The following CAMTA1 variants were observed in gnomAD, a reference collection of about 807,000 sequenced individuals.
CAMTA1 encodes the protein calmodulin-binding transcription activator 1.
In CAMTA1, 27 loss-of-function variants were observed where a neutral mutation model predicts 170.9. The observed-to-expected ratio is 0.16, with a 90% CI of 0.12 to 0.22. The LOEUF (loss-of-function observed/expected upper bound fraction) is 0.22. Ranked by LOEUF, CAMTA1 falls within the 10% of genes least tolerant of loss-of-function variation. CAMTA1 has a pLI of 1.00. For synonymous variants in CAMTA1, 833 were observed against 891.5 expected (o/e 0.93, Z 1.17); for missense variants, 1,619 against 2,217.2 (o/e 0.73, Z 5.42).
intron 6 of CAMTA1, among the ~76,000 whole-genome samples, chr1:7,513,641 G>A (rs1000766758): frequency 6.6e-6 from 1 of 152,150 alleles, no homozygotes; most frequent in Non-Finnish European, 1.5e-5. Flanking sequence ...ACCGGTTACA[G>A]GCTGGGCGTG....
rs1240642079 is a variant in CAMTA1 at position 7,738,334 on chromosome 1, G to T, written c.4034G>T (p.Gly1345Val). ...GGAAATCCGAAGGGGACCAGTGTAG[G>T]AAAGGAGGCAGCACCTTCACAGGTG... ...VTGNPKGTSV[G>V]KEAAPSQVRP... The change falls in exon 16 of 23, where the codon GGA (glycine) becomes GTA (valine). Residue 1345 changes from glycine to valine, a missense_variant. Gly to Val is a moderately radical substitution (Grantham distance 109). Around this residue, in one of 8 missense-constraint regions of CAMTA1, gnomAD observed 370 missense variants for 429.4 expected, o/e 0.86. Coordinates refer to ENST00000303635, the MANE Select transcript of CAMTA1 (RefSeq NM_015215.4). The surrounding 1 kb of genome is among the most constrained non-coding windows in gnomAD (Gnocchi z 4.9). 1 of 1,614,088 alleles carries T rather than the reference G, an allele frequency of 6.2e-7. No individual in the cohort carries two copies. The highest frequency in any genetic ancestry group is 1.1e-5 in the South Asian group (1 of 91,092).
chr1:7,252,760 G>A (rs1218266468), intron 5 of CAMTA1, among the ~76,000 whole-genome samples: 2 of 152,172 alleles, frequency 1.3e-5, no homozygotes, highest in Non-Finnish European at 2.9e-5. Flanking sequence ...TTCTACCACC[G>A]GGGCTGTTTT....
intron 3 of CAMTA1, among the ~76,000 whole-genome samples, chr1:6,941,577 C>T (rs1211958323): frequency 6.6e-6 from 1 of 152,170 alleles, no homozygotes; most frequent in Non-Finnish European, 1.5e-5. Flanking sequence ...TCCAGTCAGC[C>T]CAGTGTTAAT....
chr1:7,183,522 C>A (rs1205707555), intron 4 of CAMTA1, among the ~76,000 whole-genome samples: 1 of 152,224 alleles, frequency 6.6e-6, no homozygotes, highest in Non-Finnish European at 1.5e-5. Context: ...TTATCCACTG[C>A]AGCATTACTT....
chr1:6,953,558 G>A (rs915728814), intron 3 of CAMTA1, among the ~76,000 whole-genome samples: 3 of 152,202 alleles, frequency 2.0e-5, no homozygotes, highest in East Asian at 3.8e-4. Context: ...CCCAGGCCCC[G>A]CAGGGAGCCT....
At chr1:7,012,505 G>C (rs939309486) in intron 3 of CAMTA1, among the ~76,000 whole-genome samples, 1 of 151,976 alleles carries the variant, frequency 6.6e-6, no homozygotes, top group Non-Finnish European at 1.5e-5. Context: ...ACCCTCTCTA[G>C]ACCTCTCCCT....
At chr1:7,413,912 T>C (rs2090974491) in intron 5 of CAMTA1, among the ~76,000 whole-genome samples, 1 of 152,232 alleles carries the variant, frequency 6.6e-6, no homozygotes, top group South Asian at 2.1e-4. Context: ...ATAACTCTTA[T>C]GATTTTGACG....
chr1:7,335,424 T>C (rs1490521206), intron 5 of CAMTA1, among the ~76,000 whole-genome samples: 1 of 152,216 alleles, frequency 6.6e-6, no homozygotes, highest in Non-Finnish European at 1.5e-5. Context: ...TGTCAGTGCC[T>C]TGGGACGTCA....
chr1:6,810,190 C>T (rs763626397), intron 1 of CAMTA1, among the ~76,000 whole-genome samples: 5 of 152,108 alleles, frequency 3.3e-5, no homozygotes, highest in South Asian at 2.1e-4. Flanking sequence ...GAACTGTGGT[C>T]GAGGTGCTGG....
At position 6,926,480 on chromosome 1, in the gene CAMTA1, CTTTCTT is replaced by C. The variant is rs1557838286; in HGVS notation, c.234+101272_234+101277del. Among the ~76,000 whole-genome samples, 23 of 136,780 alleles carry C rather than the reference CTTTCTT, an allele frequency of 1.7e-4. No individual in the cohort carries two copies. In the Middle Eastern group the frequency reaches 0.011, roughly 67 times the overall value. 89.7% of individuals were successfully genotyped at this position (136,780 alleles called of 152,430 possible). A position where few individuals can be genotyped will look rare whatever the true frequency, so the allele number is the denominator to read the frequency against. ...TCTTTCTTTCTTTCTTTCTTTCTTT[CTTTCTT>C]TCTCTCTCTCTTTTCTTCCTTCCTT... On this transcript the variant is annotated intron_variant, in intron 3 of 22. Coordinates refer to ENST00000303635, the MANE Select transcript of CAMTA1 (RefSeq NM_015215.4).
Position 7,768,096 on chromosome 1 carries a change from A to G in CAMTA1, c.*1605A>G, listed in dbSNP as rs1024316556. 7.3e-6 allele frequency: 1 copy of G among 137,518 alleles called. No individual in the cohort carries two copies. Among genetic ancestry groups the G allele is most frequent in the Non-Finnish European group, 1.6e-5 (1 of 64,342 alleles). 8.5% of individuals were successfully genotyped at this position (137,518 alleles called of 1,614,324 possible). ...TTAACACCATCCACTCACTCCAACAAAGAACACTTAGAATGATAAAAAAAA... is the reference window on the plus strand; with the variant it reads ...TTAACACCATCCACTCACTCCAACAGAGAACACTTAGAATGATAAAAAAAA... On this transcript the variant is annotated 3_prime_UTR_variant, in exon 23 of 23. Coordinates refer to ENST00000303635, the MANE Select transcript of CAMTA1 (RefSeq NM_015215.4).
Position 7,293,093 on chromosome 1 carries a change from G to C in CAMTA1, c.438+43467G>C, listed in dbSNP as rs550878583. Among the ~76,000 whole-genome samples the C allele has an allele frequency of 7.5e-4, 114 of 152,296 alleles. No homozygotes were observed. Among genetic ancestry groups the C allele is most frequent in the African/African-American group, 2.7e-3 (113 of 41,580 alleles). The stretch of plus-strand genomic sequence containing the variant: ...GGTCACTGGAGCTTCCAGAGCCCAG[G>C]CTTCGTTGCTTTTCTGCTGTATTCC... On this transcript the variant is annotated intron_variant, in intron 5 of 22. Transcript: ENST00000303635. The surrounding 1 kb of genome is among the most constrained non-coding windows in gnomAD (Gnocchi z 4.1).
intron 3 of CAMTA1, among the ~76,000 whole-genome samples, chr1:6,951,644 C>T (rs556779172): frequency 5.9e-5 from 9 of 152,194 alleles, no homozygotes; most frequent in South Asian, 4.1e-4. Flanking sequence ...CTGGGTTCCA[C>T]GGGTGGGAGG....
At position 7,195,186 on chromosome 1, in the gene CAMTA1, G is replaced by A. The variant is rs746555983; in HGVS notation, c.303-54305G>A. Among the ~76,000 whole-genome samples, 4 of 152,196 alleles carry A rather than the reference G, an allele frequency of 2.6e-5. No individual in the cohort carries two copies. In the South Asian group the frequency reaches 6.2e-4, roughly 24 times the overall value. Reference sequence around the variant, plus strand: ...CCAGCACGTGCAAGAGAAGGGCTGGGCAGCTTGATGGACATTTGTGCCGTC... The same window carrying A: ...CCAGCACGTGCAAGAGAAGGGCTGGACAGCTTGATGGACATTTGTGCCGTC... On this transcript the variant is annotated intron_variant, in intron 4 of 22. Transcript: ENST00000303635. This position sits in a 1 kb window ranked among gnomAD's most constrained non-coding sequence, Gnocchi z 4.1.
chr1:7,380,246 C>T (rs546534493), intron 5 of CAMTA1, among the ~76,000 whole-genome samples: 6 of 152,236 alleles, frequency 3.9e-5, no homozygotes, highest in East Asian at 1.9e-4. Flanking sequence ...TCCATTTGCC[C>T]GGCACGTCCC....
chr1:7,520,199 G>GCCCTCCTCC (rs1557857406), intron 6 of CAMTA1, among the ~76,000 whole-genome samples: 3 of 12,040 alleles, frequency 2.5e-4, no homozygotes, highest in African/African-American at 1.3e-3. Context: ...CTGGACTGCC[G>GCCCTCCTCC]ACCTCCTCCT....
chr1:7,324,788 C>G (rs980926929), intron 5 of CAMTA1, among the ~76,000 whole-genome samples: 1 of 136,478 alleles, frequency 7.3e-6, no homozygotes, highest in Admixed American at 8.2e-5. Flanking sequence ...GCCTGGGTGA[C>G]AGAGGGAGAC....
rs2093004946 is a variant in CAMTA1, at chr1:7,458,142, A to G, written c.439-9688A>G. Among the ~76,000 whole-genome samples the G allele has an allele frequency of 2.0e-5, 3 of 152,020 alleles. 1 individual carries two copies. The South Asian group carries it at 6.2e-4, about 32-fold the overall frequency. ...GTTCCTGGTTTCTATCTGCTCTTCA[A>G]TCGCCTCCATCTCAAAGGAACCAAC... is the stretch of plus-strand genomic sequence containing the variant. On this transcript the variant is annotated intron_variant, in intron 5 of 22. Transcript: ENST00000303635.
At chr1:7,419,488 C>T (rs1484887558) in intron 5 of CAMTA1, among the ~76,000 whole-genome samples, 1 of 152,084 alleles carries the variant, frequency 6.6e-6, no homozygotes, top group African/African-American at 2.4e-5. Context: ...TTTTGGGGAT[C>T]CCAGGGCTCC....
Sources: gnomAD v4.1 joint callset for allele counts (sites outside exome capture counted in the v4.1 genomes callset) on GRCh38, gnomAD v4.1.1 for gene constraint, gnomAD v4.1.1 regional missense constraint, Gnocchi (gnomAD v3.1) non-coding constraint, MANE v1.5 for transcripts, NCBI Gene and HGNC (gene_info 2026-07-23, HGNC 2026-07-21) for gene names.